Variants in SATB1 observed in about 807,000 individuals in gnomAD.
SATB1 encodes the protein DNA-binding protein SATB1.
Under a neutral mutation model 86.9 loss-of-function variants are expected in SATB1, and 11 were observed. The observed-to-expected ratio is 0.13, with a 90% CI of 0.08 to 0.21. The LOEUF is 0.21. Ranked by LOEUF, SATB1 falls within the 10% of genes least tolerant of loss-of-function variation. The probability of loss-of-function intolerance (pLI) is 1.00; values close to 1 mark genes in which losing one functional copy is unlikely to be tolerated. For missense variants in SATB1, 551 were observed against 937.6 expected (o/e 0.59, Z 5.39); for synonymous variants, 357 against 357.2 (o/e 1.00, Z 0.01).
At chr3:18,351,318 G>T in intron 10 of SATB1, 1 of 1,544,490 alleles carries the variant, frequency 6.5e-7, no homozygotes, top group South Asian at 1.2e-5. Context: ...CTCACCTGAG[G>T]AGCAGCACCG....
intron 9 of SATB1, among the ~76,000 whole-genome samples, chr3:18,364,525 T>A (rs148986382): frequency 0.013 from 2,014 of 152,208 alleles, 44 homozygotes; most frequent in African/African-American, 0.046. Context: ...CCTATATTGA[T>A]AATTGAATAA....
At chr3:18,392,584 C>T (rs1030189897) in intron 7 of SATB1, among the ~76,000 whole-genome samples, 3 of 151,682 alleles carry the variant, frequency 2.0e-5, no homozygotes, top group East Asian at 3.9e-4. Context: ...TACACACACA[C>T]ATATATATAC....
At chr3:18,404,290 C>T (rs1697412682) in intron 5 of SATB1, among the ~76,000 whole-genome samples, 1 of 152,018 alleles carries the variant, frequency 6.6e-6, no homozygotes, top group South Asian at 2.1e-4. Context: ...TCTGGATCCT[C>T]TATTGCTTTC....
At position 18,345,815 on chromosome 3, in the gene SATB1, T is replaced by TCTC. The variant is rs1197690802; in HGVS notation, c.*3352_*3354dup. On this transcript the variant is annotated 3_prime_UTR_variant, in exon 11 of 11. Coordinates refer to ENST00000338745, the MANE Select transcript of SATB1 (RefSeq NM_002971.6). The stretch of plus-strand genomic sequence containing the variant: ...AAATATCACCAGGCAGTTCAGAATG[T>TCTC]CTCATTTATTGAGAATATTGTGACA... The TCTC allele has an allele frequency of 3.9e-5, 6 of 152,116 alleles. No homozygotes were observed. The highest frequency in any genetic ancestry group is 1.4e-4 in the African/African-American group (6 of 41,444). The allele number at this position is 152,116 out of a possible 1,614,324, so 9.4% of individuals were successfully genotyped here. A position where few individuals can be genotyped will look rare whatever the true frequency, so the allele number is the denominator to read the frequency against.
chr3:18,435,695 A>G (rs1303522880), intron 2 of SATB1, among the ~76,000 whole-genome samples: 1 of 152,228 alleles, frequency 6.6e-6, no homozygotes, highest in Non-Finnish European at 1.5e-5. Flanking sequence ...TCATTAAAAA[A>G]AAATAAAGCA....
At chr3:18,438,828 G>C (rs2125208032), upstream of SATB1, 1 of 152,722 alleles carries the variant, frequency 6.5e-6, no homozygotes, top group Middle Eastern at 3.4e-3. Flanking sequence ...CTGCACACCT[G>C]GGGGAAAGGG....
chr3:18,380,304 G>C (rs1226395828), intron 8 of SATB1, among the ~76,000 whole-genome samples: 1 of 152,176 alleles, frequency 6.6e-6, no homozygotes, highest in African/African-American at 2.4e-5. Flanking sequence ...ACTTTGGAAA[G>C]TTGGTGTTTC....
chr3:18,360,606 A>G (rs950261073), intron 9 of SATB1, among the ~76,000 whole-genome samples: 2 of 151,924 alleles, frequency 1.3e-5, no homozygotes, highest in African/African-American at 4.8e-5. Flanking sequence ...TAAAATGATT[A>G]TATCTCATAT....
At chr3:18,395,286 GACAACT>G (rs1226024660) in intron 6 of SATB1, among the ~76,000 whole-genome samples, 2 of 152,206 alleles carry the variant, frequency 1.3e-5, no homozygotes, top group East Asian at 3.9e-4. Context: ...TTTGCTTAAT[GACAACT>G]ACAAACAGTG....
At chr3:18,351,721 A>G in intron 10 of SATB1, 1 of 527,364 alleles carries the variant, frequency 1.9e-6, no homozygotes, top group East Asian at 3.2e-5. Context: ...AAAACCCAAT[A>G]CCAACAAAGA....
chr3:18,410,159 A>G (rs1198014304), intron 5 of SATB1, among the ~76,000 whole-genome samples: 1 of 152,090 alleles, frequency 6.6e-6, no homozygotes, highest in Non-Finnish European at 1.5e-5. Context: ...AAAACAAGAC[A>G]ACATACAAAC....
intron 5 of SATB1, among the ~76,000 whole-genome samples, chr3:18,406,913 T>C (rs536183622): frequency 2.0e-5 from 3 of 152,174 alleles, no homozygotes; most frequent in East Asian, 1.9e-4. Context: ...TCCTACAAGA[T>C]TGTTTAAGTC....
Position 18,386,380 on chromosome 3 carries a change from G to A in SATB1, c.1419+19C>T. 1.3e-6 allele frequency: 2 copies of A among 1,596,112 alleles called. No homozygotes were observed. The highest frequency in any genetic ancestry group is 1.7e-6 in the Non-Finnish European group (2 of 1,165,962). ...AAAAAGCTAAACAAAGAAGGGCAAG[G>A]AGGAAAAGGAGACCGCACCTGGGGA... On this transcript the variant is annotated intron_variant, in intron 8 of 10. Transcript: ENST00000338745. This position sits in a 1 kb window ranked among gnomAD's most constrained non-coding sequence, Gnocchi z 4.5.
intron 5 of SATB1, among the ~76,000 whole-genome samples, chr3:18,404,758 A>G (rs537563134): frequency 6.6e-6 from 1 of 151,894 alleles, no homozygotes; most frequent in Non-Finnish European, 1.5e-5. Context: ...CCTTTTGTAT[A>G]AGTACCTAGC....
chr3:18,402,464 C>T (rs1697320486), intron 5 of SATB1, among the ~76,000 whole-genome samples: 1 of 152,072 alleles, frequency 6.6e-6, no homozygotes, highest in African/African-American at 2.4e-5. Context: ...GCTCAGCTTC[C>T]AGTCAAAAAA....
chr3:18,384,289 T>A (rs1258254607), intron 8 of SATB1, among the ~76,000 whole-genome samples: 2 of 152,158 alleles, frequency 1.3e-5, no homozygotes, highest in African/African-American at 4.8e-5. Flanking sequence ...TAACAGCATA[T>A]GAAAAGAAAT....
chr3:18,433,029 A>C (rs1259375447), intron 2 of SATB1, among the ~76,000 whole-genome samples: 2 of 152,178 alleles, frequency 1.3e-5, no homozygotes, highest in Non-Finnish European at 2.9e-5. Context: ...CCCAAGGATA[A>C]TTAACATGGA....
chr3:18,422,204 T>G (rs1698431204), intron 1 of SATB1, among the ~76,000 whole-genome samples: 1 of 152,198 alleles, frequency 6.6e-6, no homozygotes, highest in African/African-American at 2.4e-5. Flanking sequence ...TGTCTAGTAA[T>G]TTGATATAGC....
chr3:18,348,119 A>AGAT lies in SATB1; in HGVS notation c.*1048_*1050dup, dbSNP rs1483185324. ...ACACCTTTATACAGAAATTTTATAC[A>AGAT]GATGTAGCTTTAAAATTGATTGTAA... On this transcript the variant is annotated 3_prime_UTR_variant, in exon 11 of 11. Transcript: ENST00000338745. The AGAT allele has an allele frequency of 6.6e-6, 1 of 152,670 alleles. No individual in the cohort carries two copies. Among genetic ancestry groups the AGAT allele is most frequent in the Non-Finnish European group, 1.5e-5 (1 of 68,036 alleles). The allele number at this position is 152,670 out of a possible 1,614,324, so 9.5% of individuals were successfully genotyped here.
Sources: allele counts gnomAD v4.1 joint callset (sites outside exome capture counted in the v4.1 genomes callset), GRCh38; gene constraint gnomAD v4.1.1; non-coding constraint Gnocchi (gnomAD v3.1); transcripts MANE v1.5; gene names NCBI Gene and HGNC (gene_info 2026-07-23, HGNC 2026-07-21).